Variants in NEK10 observed in about 807,000 individuals in gnomAD.
NEK10 encodes NIMA related kinase 10, also known as serine/threonine-protein kinase Nek10.
In NEK10, 122 loss-of-function variants were observed where a neutral mutation model predicts 159.8. The observed-to-expected ratio is 0.76, with a 90% CI of 0.66 to 0.89. The LOEUF is 0.89. Ranked by LOEUF, NEK10 falls within the 40% of genes least tolerant of loss-of-function variation. The pLI is 0.00. For missense variants in NEK10, 1,342 were observed against 1,323.1 expected (o/e 1.01, Z -0.22); for synonymous variants, 466 against 457.1 (o/e 1.02, Z -0.25).
intron 30 of NEK10, among the ~76,000 whole-genome samples, chr3:27,159,495 G>A (rs1241043712): frequency 2.0e-5 from 3 of 152,100 alleles, no homozygotes; most frequent in Non-Finnish European, 4.4e-5. Context: ...TAATTCACTA[G>A]TGACTAAAGC....
In NEK10 at chr3:27,363,097, A is replaced by G. The variant is rs977309135; in HGVS notation, c.-38+6128T>C. Among the ~76,000 whole-genome samples the G allele has an allele frequency of 7.2e-5, 11 of 152,064 alleles. 1 individual carries two copies. Among genetic ancestry groups the G allele is most frequent in the Admixed American group, 4.6e-4 (7 of 15,270 alleles). On this transcript the variant is annotated intron_variant, in intron 1 of 35. Coordinates refer to ENST00000691995, the MANE Select transcript of NEK10 (RefSeq NM_001394966.1). The stretch of plus-strand genomic sequence containing the variant: ...CAGCTGTTACTCACACTTGGTCCTG[A>G]ACTGCCACCACAGAGTTACTCCTCC...
chr3:27,282,566 C>A (rs936985223), intron 22 of NEK10, among the ~76,000 whole-genome samples: 2 of 111,450 alleles, frequency 1.8e-5, no homozygotes, highest in Non-Finnish European at 3.4e-5. Flanking sequence ...ATATACATAA[C>A]TGTGTTATAT....
intron 11 of NEK10, 148 bp from the exon 12 acceptor site, chr3:27,305,119 G>T (rs1366444875): frequency 1.6e-6 from 1 of 614,996 alleles, no homozygotes; most frequent in Non-Finnish European, 2.9e-6. Context: ...TAAGGAGCCC[G>T]ATCAAAGCCA....
intron 23 of NEK10, among the ~76,000 whole-genome samples, chr3:27,245,912 A>C (rs1283517502): frequency 1.3e-5 from 2 of 152,234 alleles, no homozygotes; most frequent in South Asian, 2.1e-4. Context: ...AATACTATAC[A>C]TAACCACTAG....
chr3:27,162,426 T>C (rs1374665987), intron 30 of NEK10: 1 of 1,604,306 alleles, frequency 6.2e-7, no homozygotes, highest in Non-Finnish European at 8.5e-7. Flanking sequence ...TTGCCCATTG[T>C]GTGCTTAACA....
At chr3:27,269,124 C>T (rs1044095176) in intron 22 of NEK10, among the ~76,000 whole-genome samples, 5 of 152,148 alleles carry the variant, frequency 3.3e-5, no homozygotes, top group Non-Finnish European at 7.3e-5. Context: ...GTTGCTTCTT[C>T]TGGATGAGCA....
intron 35 of NEK10, among the ~76,000 whole-genome samples, chr3:27,113,830 T>C (rs1025128059): frequency 6.6e-6 from 1 of 152,236 alleles, no homozygotes; most frequent in African/African-American, 2.4e-5. Context: ...AAGAGCTTCC[T>C]TAAGTTCCTT....
At chr3:27,243,818 A>T (rs1954790678) in intron 23 of NEK10, among the ~76,000 whole-genome samples, 1 of 145,098 alleles carries the variant, frequency 6.9e-6, no homozygotes, top group South Asian at 2.1e-4. Context: ...TCTACACTTG[A>T]CTGACACCAT....
chr3:27,139,028 A>T (rs139642902), intron 31 of NEK10, among the ~76,000 whole-genome samples: 29 of 152,352 alleles, frequency 1.9e-4, no homozygotes, highest in African/African-American at 6.5e-4. Flanking sequence ...AAAGATCCCA[A>T]GATAGCCCTA....
chr3:27,209,609 T>C (rs1240504792), intron 23 of NEK10, among the ~76,000 whole-genome samples: 2 of 152,228 alleles, frequency 1.3e-5, no homozygotes, highest in East Asian at 3.8e-4. Context: ...TTTTACCAAA[T>C]GTCTCTGTAA....
intron 32 of NEK10, among the ~76,000 whole-genome samples, chr3:27,127,728 T>C (rs1289224021): frequency 2.0e-5 from 3 of 152,160 alleles, no homozygotes; most frequent in African/African-American, 7.2e-5. Context: ...TTCCCAACTT[T>C]CTTGTAAATA....
intron 33 of NEK10, 81 bp downstream of exon 33, chr3:27,119,679 G>T: frequency 2.8e-6 from 3 of 1,090,514 alleles, no homozygotes; most frequent in Non-Finnish European, 2.7e-6. Context: ...AAAAATTGGA[G>T]ATAATCTTTT....
intron 22 of NEK10, among the ~76,000 whole-genome samples, chr3:27,279,503 T>A (rs1223104831): frequency 6.6e-6 from 1 of 152,206 alleles, no homozygotes; most frequent in Non-Finnish European, 1.5e-5. Flanking sequence ...AGGGTTTTAA[T>A]TTAACCATAA....
chr3:27,147,422 C>T (rs545288632), intron 30 of NEK10, among the ~76,000 whole-genome samples: 2 of 152,212 alleles, frequency 1.3e-5, no homozygotes, highest in Non-Finnish European at 2.9e-5. Context: ...GGCCTAGATG[C>T]CCCTGCTACC....
chr3:27,300,512 A>G (rs1285725963), intron 13 of NEK10, among the ~76,000 whole-genome samples: 1 of 152,182 alleles, frequency 6.6e-6, no homozygotes, highest in Non-Finnish European at 1.5e-5. Context: ...TAAGCTATGT[A>G]ACGTAAACAC....
At chr3:27,153,916 A>G (rs1440892485) in intron 30 of NEK10, among the ~76,000 whole-genome samples, 1 of 152,156 alleles carries the variant, frequency 6.6e-6, no homozygotes, top group Non-Finnish European at 1.5e-5. Context: ...ACAAGAACAA[A>G]CCAAACTCAA....
At chr3:27,285,031 G>A (rs997411626) in intron 20 of NEK10, 70 bp from the exon 21 acceptor site, 4 of 1,211,912 alleles carry the variant, frequency 3.3e-6, no homozygotes, top group African/African-American at 1.5e-5. Context: ...CTTTACGAAT[G>A]AGAGTTCAAG....
intron 3 of NEK10, among the ~76,000 whole-genome samples, chr3:27,351,454 A>C (rs1357807099): frequency 6.6e-6 from 1 of 152,158 alleles, no homozygotes; most frequent in Non-Finnish European, 1.5e-5. Context: ...GATCTTGGGA[A>C]AGTCACTTGA....
intron 25 of NEK10, among the ~76,000 whole-genome samples, chr3:27,197,659 A>C (rs1949674844): frequency 6.6e-6 from 1 of 152,068 alleles, no homozygotes; most frequent in African/African-American, 2.4e-5. Flanking sequence ...AAGCTTAAGG[A>C]GTTTTTGAGC....
Sources: allele counts gnomAD v4.1 joint callset (sites outside exome capture counted in the v4.1 genomes callset), GRCh38; gene constraint gnomAD v4.1.1; transcripts MANE v1.5; gene names NCBI Gene and HGNC (gene_info 2026-07-23, HGNC 2026-07-21).